The following ZRANB3 variants were observed in gnomAD, a reference collection of about 807,000 sequenced individuals.
ZRANB3 encodes zinc finger RANBP2-type containing 3.
A neutral mutation model predicts 133.8 loss-of-function variants in ZRANB3; 125 were observed. That is an observed-to-expected ratio of 0.93 (90% CI 0.81 to 1.08). ZRANB3 has a LOEUF of 1.08. Among genes scored for constraint, ZRANB3 ranks in the 50% least tolerant of loss-of-function variants. The pLI, the probability that ZRANB3 is intolerant of heterozygous loss-of-function variation, is 0.00. For missense variants in ZRANB3, 1,229 were observed against 1,275.5 expected (o/e 0.96, Z 0.56); for synonymous variants, 387 against 432.7 (o/e 0.89, Z 1.31).
intron 3 of ZRANB3, among the ~76,000 whole-genome samples, chr2:135,377,604 G>C (rs1686485445): frequency 6.6e-6 from 1 of 152,114 alleles, no homozygotes. Context: ...GAAACAATTT[G>C]AGCAACAAGA....
chr2:135,531,071 A>C (rs1296462444), intron 1 of ZRANB3, 56 bp downstream of exon 1: 1 of 152,116 alleles, frequency 6.6e-6, no homozygotes. Context: ...ATTTTCCTTT[A>C]CCCCTAAAAA....
At position 135,221,942 on chromosome 2, in the gene ZRANB3, A is replaced by T. The variant is rs370524117; in HGVS notation, c.2250+2484T>A. Reference sequence around the variant, plus strand: ...AATCCTAGCCATCTCCTCCTAAAAGAATATTATTACATGGTACACTATCTA... The same window carrying T: ...AATCCTAGCCATCTCCTCCTAAAAGTATATTATTACATGGTACACTATCTA... On this transcript the variant is annotated intron_variant, in intron 15 of 20. Transcript: ENST00000264159. Among the ~76,000 whole-genome samples, 33 of 152,278 alleles carry T rather than the reference A, an allele frequency of 2.2e-4. No homozygotes were observed. The South Asian group carries it at 5.8e-3, about 27-fold the overall frequency.
intron 19 of ZRANB3, among the ~76,000 whole-genome samples, chr2:135,207,002 T>C (rs143062241): frequency 0.11 from 16,666 of 151,812 alleles, 1,177 homozygotes; most frequent in South Asian, 0.32. Context: ...CCGTCTCTAC[T>C]GAAAATACAA....
At chr2:135,391,957 T>C (rs901344923) in intron 2 of ZRANB3, among the ~76,000 whole-genome samples, 1 of 152,096 alleles carries the variant, frequency 6.6e-6, no homozygotes, top group Non-Finnish European at 1.5e-5. Flanking sequence ...ATAAATTCTA[T>C]GCAATGATAA....
chr2:135,329,854 T>TAG (rs1684046432), intron 6 of ZRANB3, among the ~76,000 whole-genome samples: 1 of 152,160 alleles, frequency 6.6e-6, no homozygotes, highest in African/African-American at 2.4e-5. Flanking sequence ...GGCTCTCTGT[T>TAG]TGTCTGTTTT....
chr2:135,385,099 C>G (rs1407327837), intron 3 of ZRANB3, among the ~76,000 whole-genome samples: 2 of 152,240 alleles, frequency 1.3e-5, no homozygotes, highest in African/African-American at 2.4e-5. Context: ...AAAACCCCAT[C>G]GTCTCAGCCC....
At chr2:135,462,881 C>T (rs1042070011) in intron 2 of ZRANB3, among the ~76,000 whole-genome samples, 4 of 152,214 alleles carry the variant, frequency 2.6e-5, no homozygotes, top group African/African-American at 9.6e-5. Context: ...GCATGAGCCA[C>T]CATGTCCAGC....
In ZRANB3 at chr2:135,518,939, G is replaced by GA. The variant is rs1298240366; in HGVS notation, c.-8+12187dup. Among the ~76,000 whole-genome samples, 3 of 152,158 alleles carry GA rather than the reference G, an allele frequency of 2.0e-5. No homozygotes were observed. In the East Asian group the frequency reaches 5.8e-4, roughly 29 times the overall value. On this transcript the variant is annotated intron_variant, in intron 1 of 20. Transcript: ENST00000264159. ...AAAATTCCAAAATAATAGGGTTCAG[G>GA]AGGGAGAATTTGGAGCTGATTGTTG...
chr2:135,476,897 T>G (rs544312980), intron 2 of ZRANB3, among the ~76,000 whole-genome samples: 11 of 152,106 alleles, frequency 7.2e-5, no homozygotes, highest in Middle Eastern at 3.4e-3. Flanking sequence ...TAAAAGAAAT[T>G]TTTTATAGAC....
chr2:135,284,020 T>C (rs1681224750), intron 8 of ZRANB3, among the ~76,000 whole-genome samples: 1 of 152,140 alleles, frequency 6.6e-6, no homozygotes, highest in African/African-American at 2.4e-5. Flanking sequence ...GGTAACACAT[T>C]AATCCATGGT....
chr2:135,497,624 C>A (rs1267407683), intron 2 of ZRANB3, among the ~76,000 whole-genome samples: 2 of 152,100 alleles, frequency 1.3e-5, no homozygotes, highest in Non-Finnish European at 2.9e-5. Flanking sequence ...CATTAGACAG[C>A]ACTTATCTAG....
At chr2:135,244,889 C>A (rs1695718599) in intron 12 of ZRANB3, among the ~76,000 whole-genome samples, 1 of 152,060 alleles carries the variant, frequency 6.6e-6, no homozygotes, top group East Asian at 1.9e-4. Context: ...CTTACTTCTG[C>A]CATTATGGTA....
intron 8 of ZRANB3, among the ~76,000 whole-genome samples, chr2:135,307,062 T>C (rs1042010339): frequency 7.9e-5 from 12 of 152,142 alleles, no homozygotes; most frequent in African/African-American, 2.7e-4. Context: ...TATTTTACTT[T>C]ATTTATTTTT....
At chr2:135,471,454 C>G (rs898320189) in intron 2 of ZRANB3, among the ~76,000 whole-genome samples, 2 of 152,192 alleles carry the variant, frequency 1.3e-5, no homozygotes, top group African/African-American at 4.8e-5. Flanking sequence ...ATGTCAGCAA[C>G]AAGCTCCTTG....
chr2:135,200,038 C>A lies in ZRANB3; in HGVS notation c.*304G>T. The A allele has an allele frequency of 2.5e-6, 1 of 393,354 alleles. No homozygotes were observed. Among genetic ancestry groups the A allele is most frequent in the Non-Finnish European group, 4.7e-6 (1 of 210,576 alleles). The allele number at this position is 393,354 out of a possible 1,614,324, so 24.4% of individuals were successfully genotyped here. On this transcript the variant is annotated 3_prime_UTR_variant, in exon 21 of 21. Transcript: ENST00000264159. ...TGAGAGTACATTTTTTAAACACAATCTATGCACAATACAGTGATTAGGCAT... is the reference window on the plus strand; with the variant it reads ...TGAGAGTACATTTTTTAAACACAATATATGCACAATACAGTGATTAGGCAT...
At chr2:135,431,077 C>T (rs1026554668) in intron 2 of ZRANB3, among the ~76,000 whole-genome samples, 1 of 151,078 alleles carries the variant, frequency 6.6e-6, no homozygotes, top group East Asian at 1.9e-4. Context: ...GAGCTTGAGG[C>T]CAGCCTCAGC....
intron 2 of ZRANB3, among the ~76,000 whole-genome samples, chr2:135,458,314 G>A (rs558525012): frequency 6.6e-6 from 1 of 151,820 alleles, no homozygotes; most frequent in Non-Finnish European, 1.5e-5. Context: ...AAAATCAGAA[G>A]TATGAGACTT....
At chr2:135,467,909 G>A (rs192096776) in intron 2 of ZRANB3, among the ~76,000 whole-genome samples, 1 of 152,284 alleles carries the variant, frequency 6.6e-6, no homozygotes, top group East Asian at 1.9e-4. Context: ...TTACCTCTGT[G>A]CTTTAGTTTT....
At chr2:135,481,156 T>A (rs1413588023) in intron 2 of ZRANB3, among the ~76,000 whole-genome samples, 1 of 151,340 alleles carries the variant, frequency 6.6e-6, no homozygotes, top group Admixed American at 6.6e-5. Flanking sequence ...GGTCAAATGG[T>A]ATTTCCAGTT....
Sources: gnomAD v4.1 joint callset for allele counts (sites outside exome capture counted in the v4.1 genomes callset) on GRCh38, gnomAD v4.1.1 for gene constraint, MANE v1.5 for transcripts, NCBI Gene and HGNC (gene_info 2026-07-23, HGNC 2026-07-21) for gene names.